Variants in ROCK2 observed in about 807,000 individuals in gnomAD.
The protein encoded by ROCK2 is Rho associated coiled-coil containing protein kinase 2, also known as rho-associated protein kinase 2.
Under a neutral mutation model 195.1 loss-of-function variants are expected in ROCK2, and 61 were observed. That is an observed-to-expected ratio of 0.31 (90% CI 0.25 to 0.39). The LOEUF is 0.39. ROCK2 is among the 10% of genes least tolerant of loss of function. The pLI is 1.00. For synonymous variants in ROCK2, 504 were observed against 545.5 expected, an observed-to-expected ratio of 0.92 and a Z score of 1.06; for missense variants, 1,109 against 1,637.4, an observed-to-expected ratio of 0.68 and a Z score of 5.57.
chr2:11,313,008 T>C (rs779172228), intron 1 of ROCK2, among the ~76,000 whole-genome samples: 5 of 152,052 alleles, frequency 3.3e-5, no homozygotes, highest in Non-Finnish European at 7.4e-5. Flanking sequence ...GGGGGAGTTT[T>C]AGGACAGTAA....
intron 3 of ROCK2, among the ~76,000 whole-genome samples, chr2:11,275,137 A>G (rs1243380599): frequency 6.6e-6 from 1 of 151,968 alleles, no homozygotes; most frequent in Non-Finnish European, 1.5e-5. Context: ...GGCACCTGTA[A>G]TCCCAGCTAT....
chr2:11,300,665 A>G (rs1442878395), intron 1 of ROCK2, among the ~76,000 whole-genome samples: 1 of 152,256 alleles, frequency 6.6e-6, no homozygotes, highest in African/African-American at 2.4e-5. Context: ...AAAGGCAATA[A>G]AGTCAACAAA....
In ROCK2 at chr2:11,256,467, G is replaced by A. The variant is rs1053703615; in HGVS notation, c.325-6669C>T. 1.8e-3 allele frequency among the ~76,000 whole-genome samples: 269 copies of A among 151,230 alleles called. 4 individuals are homozygous for A. The highest frequency in any genetic ancestry group is 1.0e-4 in the Non-Finnish European group (7 of 68,018). On this transcript the variant is annotated intron_variant, in intron 3 of 32. Transcript: ENST00000315872. ...GCCTGCCCAGCCACGCTTCCTGTAC[G>A]GCCTGCAGAACTGTGAGTCAATTAA...
intron 1 of ROCK2, among the ~76,000 whole-genome samples, chr2:11,337,354 T>G (rs950162891): frequency 1.2e-4 from 18 of 152,050 alleles, no homozygotes; most frequent in African/African-American, 4.1e-4. Flanking sequence ...AAAGAACTTC[T>G]AAGATTCAAT....
At chr2:11,304,858 C>A (rs190964351) in intron 1 of ROCK2, among the ~76,000 whole-genome samples, 113 of 152,260 alleles carry the variant, frequency 7.4e-4, no homozygotes, top group African/African-American at 2.6e-3. Context: ...AGGGCACTAA[C>A]AAGTAGGGAA....
intron 20 of ROCK2, among the ~76,000 whole-genome samples, chr2:11,203,346 T>C (rs926451693): frequency 4.0e-4 from 61 of 152,198 alleles, no homozygotes; most frequent in Non-Finnish European, 5.9e-5. Context: ...CAACCTCACA[T>C]ATATTTGTTC....
Position 11,217,118 on chromosome 2 carries a change from C to T in ROCK2, c.1384G>A (p.Ala462Thr). The T allele has an allele frequency of 6.4e-7, 1 of 1,571,670 alleles. No individual in the cohort carries two copies. The highest frequency in any genetic ancestry group is 8.8e-7 in the Non-Finnish European group (1 of 1,141,906). The change falls in exon 12 of 33, where the codon GCC (alanine) becomes ACC (threonine). Residue 462 changes from alanine to threonine, a missense_variant. Physicochemically the swap from Ala to Thr is moderately conservative, Grantham distance 58 (BLOSUM62 0). Coordinates refer to ENST00000315872, the MANE Select transcript of ROCK2 (RefSeq NM_004850.5). ...LEEHLSNEMQAKEELEQKCKS... is the reference protein window; with the variant it reads ...LEEHLSNEMQTKEELEQKCKS... ...CACTTCTGTTCCAGTTCCTCTTTGG[C>T]TTGCATCTCATTGCTAAGATGTTCT...
chr2:11,276,809 G>C (rs73175690), intron 3 of ROCK2, among the ~76,000 whole-genome samples: 1,673 of 152,128 alleles, frequency 0.011, 30 homozygotes, highest in African/African-American at 0.038. Context: ...ACATATATAT[G>C]CACAAAATGA....
At chr2:11,307,233 C>T (rs1223816066) in intron 1 of ROCK2, among the ~76,000 whole-genome samples, 2 of 152,194 alleles carry the variant, frequency 1.3e-5, no homozygotes, top group Non-Finnish European at 2.9e-5. Flanking sequence ...TTTATAAATA[C>T]TTTTTTCTCC....
At chr2:11,217,360 A>G in intron 11 of ROCK2, 191 bp from the exon 12 acceptor site, 1 of 688,110 alleles carries the variant, frequency 1.5e-6, no homozygotes, top group South Asian at 1.4e-5. Context: ...CTTGCTTTCT[A>G]TCAGAGTACA....
intron 1 of ROCK2, among the ~76,000 whole-genome samples, chr2:11,317,600 A>ATTT (rs1276721556): frequency 1.8e-4 from 3 of 16,592 alleles, no homozygotes; most frequent in African/African-American, 5.4e-4. Flanking sequence ...ATATATATAT[A>ATTT]TATATATATA....
chr2:11,279,479 T>A (rs1175662628), intron 3 of ROCK2, among the ~76,000 whole-genome samples: 1 of 152,224 alleles, frequency 6.6e-6, no homozygotes, highest in Non-Finnish European at 1.5e-5. Flanking sequence ...CAAGAGGACA[T>A]AACAATCATC....
At position 11,195,278 on chromosome 2, in the gene ROCK2, A is replaced by G. The variant is rs566641143; in HGVS notation, c.3449-253T>C. 550 of 218,234 alleles carry G rather than the reference A, an allele frequency of 2.5e-3. 2 individuals are homozygous for G. The highest frequency in any genetic ancestry group is 4.0e-3 in the Non-Finnish European group (452 of 112,944). 13.5% of individuals were successfully genotyped at this position (218,234 alleles called of 1,614,324 possible). ...TTTTATAAAGTCAAATGTTCCATTG[A>G]TTAAATTCATGCATTTATAAAATTC... On this transcript the variant is annotated intron_variant, in intron 27 of 32. Transcript: ENST00000315872.
At chr2:11,287,484 C>T (rs943899929) in intron 2 of ROCK2, among the ~76,000 whole-genome samples, 171 bp downstream of exon 2, 5 of 152,028 alleles carry the variant, frequency 3.3e-5, no homozygotes, top group African/African-American at 1.2e-4. Flanking sequence ...TCTGCAATTG[C>T]TTTAAAAATA....
At chr2:11,315,335 T>C (rs1265624619) in intron 1 of ROCK2, among the ~76,000 whole-genome samples, 3 of 152,018 alleles carry the variant, frequency 2.0e-5, no homozygotes, top group South Asian at 4.1e-4. Flanking sequence ...CAGAGTGTTT[T>C]GTTGTTGTTG....
Position 11,208,372 on chromosome 2 carries a change from C to T in ROCK2, c.2279G>A (p.Arg760Lys), listed in dbSNP as rs1381420833. Residue 760 changes from arginine (R) to lysine (K), a missense_variant, in exon 19 of 33, where the codon AGA becomes AAA. This residue lies in a region of ROCK2 where 542 missense variants were observed against 672.0 expected (regional missense o/e 0.81). Coordinates refer to ENST00000315872, the MANE Select transcript of ROCK2 (RefSeq NM_004850.5). Reference sequence around the variant, plus strand: ...GAGGTCACAGTCTAATAGAGAACATCTTTTCTCAGCTTCTAGCAATAGGTT... The same window carrying T: ...GAGGTCACAGTCTAATAGAGAACATTTTTTCTCAGCTTCTAGCAATAGGTT... ...VENLLLEAEKRCSLLDCDLKQ... is the reference protein window; with the variant it reads ...VENLLLEAEKKCSLLDCDLKQ... 6.4e-7 allele frequency: 1 copy of T among 1,552,210 alleles called. No homozygotes were observed. The highest frequency in any genetic ancestry group is 2.3e-5 in the East Asian group (1 of 43,610).
At chr2:11,232,848 T>C (rs945615380) in intron 5 of ROCK2, among the ~76,000 whole-genome samples, 19 of 152,148 alleles carry the variant, frequency 1.2e-4, no homozygotes, top group African/African-American at 4.3e-4. Flanking sequence ...TTAAAAGATA[T>C]AAACAGGTAA....
In ROCK2 at chr2:11,197,450, AG is replaced by A. The variant is rs1663684894; in HGVS notation, c.3279+75del. On this transcript the variant is annotated intron_variant, in intron 26 of 32. Transcript: ENST00000315872. The surrounding 1 kb of genome is among the most constrained non-coding windows in gnomAD (Gnocchi z 4.9). ...TATTAAATAGAAATGGTCTATAACCAGTAAAACACAGACATGAAAATAATTC... is the reference window on the plus strand; with the variant it reads ...TATTAAATAGAAATGGTCTATAACCATAAAACACAGACATGAAAATAATTC... 2 of 1,533,902 alleles carry A rather than the reference AG, an allele frequency of 1.3e-6. No homozygotes were observed. The highest frequency in any genetic ancestry group is 1.8e-6 in the Non-Finnish European group (2 of 1,127,380).
chr2:11,332,080 C>T (rs1257017453), intron 1 of ROCK2, among the ~76,000 whole-genome samples: 10 of 151,970 alleles, frequency 6.6e-5, no homozygotes, highest in Non-Finnish European at 1.3e-4. Context: ...GAGTTCTAGG[C>T]TGCAGTGAGC....
Sources: allele counts gnomAD v4.1 joint callset (sites outside exome capture counted in the v4.1 genomes callset), GRCh38; gene constraint gnomAD v4.1.1; regional missense constraint gnomAD v4.1.1; non-coding constraint Gnocchi (gnomAD v3.1); transcripts MANE v1.5; gene names NCBI Gene and HGNC (gene_info 2026-07-23, HGNC 2026-07-21).